CSMD1: variants seen among roughly 807,000 people sequenced by gnomAD.
CSMD1 encodes the protein CUB and sushi domain-containing protein 1.
CSMD1 carries 213 observed loss-of-function variants against 417.5 expected under a neutral mutation model. The ratio of observed to expected loss-of-function variants is 0.51; its 90% CI spans 0.46 to 0.57. The LOEUF (loss-of-function observed/expected upper bound fraction) is 0.57, where lower values mean the gene tolerates loss of function less well. Ranked by LOEUF, CSMD1 falls within the 20% of genes least tolerant of loss-of-function variation. The pLI is 0.00. For missense variants in CSMD1, 6,923 were observed against 4,529.7 expected (o/e 1.53, Z -15.17); for synonymous variants, 2,862 against 1,736.8 (o/e 1.65, Z -16.11).
intron 1 of CSMD1, among the ~76,000 whole-genome samples, chr8:4,748,889 G>T (rs953769354): frequency 1.3e-5 from 2 of 152,296 alleles, no homozygotes; most frequent in South Asian, 2.1e-4. Flanking sequence ...AGTTATTCCG[G>T]TCCTGTTACT....
At chr8:3,796,664 ATATC>A (rs1293814390) in intron 5 of CSMD1, among the ~76,000 whole-genome samples, 2 of 150,110 alleles carry the variant, frequency 1.3e-5, no homozygotes, top group Non-Finnish European at 3.0e-5. Flanking sequence ...ATCCACCTAT[ATATC>A]TATATGTATA....
intron 2 of CSMD1, among the ~76,000 whole-genome samples, chr8:4,584,740 C>G (rs1474520272): frequency 6.6e-6 from 1 of 152,148 alleles, no homozygotes; most frequent in South Asian, 2.1e-4. Context: ...CCCTCTGGGT[C>G]CTAATGCCGG....
At chr8:3,215,269 C>G (rs2116822313) in intron 29 of CSMD1, among the ~76,000 whole-genome samples, 1 of 152,262 alleles carries the variant, frequency 6.6e-6, no homozygotes, top group Admixed American at 6.5e-5. Context: ...TGTTGTTAGT[C>G]TTAATAGAGT....
chr8:3,812,979 G>C (rs1169120391), intron 5 of CSMD1, among the ~76,000 whole-genome samples: 2 of 152,038 alleles, frequency 1.3e-5, no homozygotes, highest in East Asian at 1.9e-4. Flanking sequence ...GCAATTTCTT[G>C]GGAGGAAATC....
intron 3 of CSMD1, among the ~76,000 whole-genome samples, chr8:4,406,898 G>T (rs1805063938): frequency 6.6e-6 from 1 of 152,258 alleles, no homozygotes; most frequent in East Asian, 1.9e-4. Context: ...TTTCTCTATT[G>T]TGCATTGAGA....
At chr8:3,819,823 G>T (rs140149561) in intron 5 of CSMD1, among the ~76,000 whole-genome samples, 13 of 152,066 alleles carry the variant, frequency 8.5e-5, no homozygotes, top group Admixed American at 8.5e-4. Context: ...GAGATTACAG[G>T]CGTGACCCAT....
At chr8:4,140,031 A>T (rs1467506442) in intron 3 of CSMD1, among the ~76,000 whole-genome samples, 2 of 151,028 alleles carry the variant, frequency 1.3e-5, no homozygotes, top group East Asian at 1.9e-4. Flanking sequence ...ATTTGCCTGG[A>T]AGGATAGAAG....
intron 51 of CSMD1, among the ~76,000 whole-genome samples, chr8:3,019,315 T>A (rs1022605740): frequency 4.6e-5 from 7 of 152,182 alleles, no homozygotes; most frequent in Admixed American, 1.3e-4. Context: ...AGCGTGTCAA[T>A]CAAATAAATT....
chr8:4,318,061 C>G (rs1364009394), intron 3 of CSMD1, among the ~76,000 whole-genome samples: 2 of 152,110 alleles, frequency 1.3e-5, no homozygotes, highest in African/African-American at 4.8e-5. Flanking sequence ...TTCGTTTTTT[C>G]TCACGTAAGT....
chr8:3,978,055 C>T (rs893745948), intron 5 of CSMD1, among the ~76,000 whole-genome samples: 3 of 152,146 alleles, frequency 2.0e-5, no homozygotes, highest in Admixed American at 6.5e-5. Context: ...CCTCAAAAAG[C>T]ACGTTGTACT....
intron 64 of CSMD1, 112 bp from the exon 65 acceptor site, chr8:2,954,380 A>T (rs555091000): frequency 3.2e-6 from 2 of 618,158 alleles, no homozygotes; most frequent in East Asian, 5.7e-5. Flanking sequence ...TTTAATGTAC[A>T]AAATATGAAT....
chr8:3,658,669 G>A (rs1167311284), intron 7 of CSMD1, among the ~76,000 whole-genome samples: 3 of 151,938 alleles, frequency 2.0e-5, no homozygotes, highest in Non-Finnish European at 4.4e-5. Context: ...TGTAATCCCA[G>A]CTACTCAGGA....
intron 5 of CSMD1, among the ~76,000 whole-genome samples, chr8:3,796,427 G>GATATAGATATATATCTATCATGTACAC (rs1800147172): frequency 1.0e-5 from 1 of 96,888 alleles, no homozygotes; most frequent in African/African-American, 4.1e-5. Flanking sequence ...ATCATGTATA[G>GATATAGATATATATCTATCATGTACAC]ATATATATAT....
At chr8:4,626,305 G>A (rs1179335605) in intron 2 of CSMD1, among the ~76,000 whole-genome samples, 1 of 151,890 alleles carries the variant, frequency 6.6e-6, no homozygotes, top group Non-Finnish European at 1.5e-5. Context: ...TCATTGCGGG[G>A]GGCTGTGCCT....
intron 5 of CSMD1, among the ~76,000 whole-genome samples, chr8:3,956,615 T>G (rs1005788380): frequency 6.6e-6 from 1 of 152,230 alleles, no homozygotes; most frequent in African/African-American, 2.4e-5. Flanking sequence ...TAAATTCTGA[T>G]AACAAGACTA....
intron 8 of CSMD1, among the ~76,000 whole-genome samples, chr8:3,599,855 T>C (rs1266684287): frequency 1.3e-5 from 2 of 152,200 alleles, no homozygotes; most frequent in African/African-American, 4.8e-5. Context: ...AATTCTTTCA[T>C]ACACAAGAAA....
chr8:4,678,483 TA>T (rs1805834038), intron 1 of CSMD1, among the ~76,000 whole-genome samples: 1 of 152,180 alleles, frequency 6.6e-6, no homozygotes, highest in South Asian at 2.1e-4. Context: ...TATGGCCAGG[TA>T]ACTACACATG....
At position 3,087,292 on chromosome 8, in the gene CSMD1, G is replaced by A. The variant is rs759896496; in HGVS notation, c.7286-7C>T. 1.6e-5 allele frequency: 25 copies of A among 1,612,364 alleles called. No individual in the cohort carries two copies. The Admixed American group carries it at 3.8e-4, about 25-fold the overall frequency. On this transcript the variant is annotated splice_polypyrimidine_tract_variant and splice_region_variant and intron_variant, in intron 48 of 69. Transcript: ENST00000635120. ...GTCAAACTGCAGTAAGGTGCTGTGG[G>A]CAGACAGACACACACAGAAATAAGT...
intron 5 of CSMD1, among the ~76,000 whole-genome samples, chr8:3,908,726 A>C (rs945122322): frequency 6.6e-6 from 1 of 152,180 alleles, no homozygotes; most frequent in African/African-American, 2.4e-5. Flanking sequence ...AGAGGTCTCA[A>C]AGATATTATT....
Sources: gnomAD v4.1 joint callset for allele counts (sites outside exome capture counted in the v4.1 genomes callset) on GRCh38, gnomAD v4.1.1 for gene constraint, MANE v1.5 for transcripts, NCBI Gene and HGNC (gene_info 2026-07-23, HGNC 2026-07-21) for gene names.